The following SLC35F1 variants were observed in gnomAD, a reference collection of about 807,000 sequenced individuals.
SLC35F1 encodes the protein chromosome 6 open reading frame 169.
In SLC35F1, 14 loss-of-function variants were observed where a neutral mutation model predicts 48.7. That is an observed-to-expected ratio of 0.29 (90% confidence interval 0.19 to 0.45). The LOEUF (loss-of-function observed/expected upper bound fraction) is 0.45, where lower values mean the gene tolerates loss of function less well. Ranked by LOEUF, SLC35F1 falls within the 20% of genes least tolerant of loss-of-function variation. The pLI, the probability that SLC35F1 is intolerant of heterozygous loss-of-function variation, is 1.00. For missense variants in SLC35F1, 404 were observed against 500.0 expected, an observed-to-expected ratio of 0.81 and a Z score of 1.83; for synonymous variants, 190 against 202.2, an observed-to-expected ratio of 0.94 and a Z score of 0.51.
chr6:118,027,061 G>A (rs1403988487), intron 1 of SLC35F1, among the ~76,000 whole-genome samples: 2 of 152,152 alleles, frequency 1.3e-5, no homozygotes, highest in South Asian at 2.1e-4. Flanking sequence ...GATAAACTAT[G>A]TAGCCATTTG....
intron 1 of SLC35F1, among the ~76,000 whole-genome samples, chr6:117,994,318 G>A (rs1776957936): frequency 6.6e-6 from 1 of 152,060 alleles, no homozygotes; most frequent in Admixed American, 6.6e-5. Context: ...TCTCTTAAGA[G>A]CTCCTGTGAT....
intron 1 of SLC35F1, among the ~76,000 whole-genome samples, chr6:118,070,388 A>G (rs945233756): frequency 8.5e-5 from 13 of 152,276 alleles, no homozygotes; most frequent in African/African-American, 3.1e-4. Flanking sequence ...GAGCACATAA[A>G]TCTTCTGTCA....
At chr6:118,026,732 G>C (rs763063675) in intron 1 of SLC35F1, among the ~76,000 whole-genome samples, 2 of 152,184 alleles carry the variant, frequency 1.3e-5, no homozygotes, top group African/African-American at 2.4e-5. Context: ...AAAAGTTAAT[G>C]AGTTTGGGAT....
intron 1 of SLC35F1, among the ~76,000 whole-genome samples, chr6:117,961,873 C>T (rs759259826): frequency 2.0e-5 from 3 of 152,112 alleles, no homozygotes; most frequent in African/African-American, 7.2e-5. Flanking sequence ...GCTTGTGATA[C>T]CTAGTCTTAC....
At chr6:118,289,019 C>T (rs1743258) in intron 7 of SLC35F1, among the ~76,000 whole-genome samples, 14,377 of 152,188 alleles carry the variant, frequency 0.094, 698 homozygotes, top group Middle Eastern at 0.14. Context: ...CACCCACCCC[C>T]AGCTCCTCAA....
intron 1 of SLC35F1, among the ~76,000 whole-genome samples, chr6:118,086,363 T>G (rs1466188414): frequency 1.3e-5 from 2 of 152,252 alleles, no homozygotes; most frequent in Non-Finnish European, 2.9e-5. Flanking sequence ...TCAGCAGTTC[T>G]GCTGCTCATT....
At chr6:118,122,367 C>T (rs1773563750) in intron 1 of SLC35F1, among the ~76,000 whole-genome samples, 1 of 152,060 alleles carries the variant, frequency 6.6e-6, no homozygotes, top group Admixed American at 6.6e-5. Flanking sequence ...TGGCTGAGTG[C>T]CCTGTGCTTG....
At chr6:118,075,148 G>A (rs1772799141) in intron 1 of SLC35F1, among the ~76,000 whole-genome samples, 2 of 152,142 alleles carry the variant, frequency 1.3e-5, no homozygotes, top group Non-Finnish European at 2.9e-5. Flanking sequence ...AGAAGAATTT[G>A]GATAGTTAAT....
At chr6:117,934,332 T>A (rs900706736) in intron 1 of SLC35F1, among the ~76,000 whole-genome samples, 6 of 152,152 alleles carry the variant, frequency 3.9e-5, no homozygotes, top group African/African-American at 1.2e-4. Context: ...AACAGGCTAA[T>A]GGAAGGTGTT....
intron 7 of SLC35F1, among the ~76,000 whole-genome samples, chr6:118,291,358 G>A (rs1776121082): frequency 6.6e-6 from 1 of 151,346 alleles, no homozygotes; most frequent in African/African-American, 2.4e-5. Context: ...AGTCTATTTT[G>A]GGGAAAAAGT....
At position 118,315,415 on chromosome 6, in the gene SLC35F1, A is replaced by T. The variant is rs1237534080; in HGVS notation, c.*1163A>T. The T allele has an allele frequency of 1.3e-5, 2 of 148,750 alleles. No individual in the cohort carries two copies. The highest frequency in any genetic ancestry group is 3.0e-5 in the Non-Finnish European group (2 of 67,422). 9.2% of individuals were successfully genotyped at this position (148,750 alleles called of 1,614,324 possible). On this transcript the variant is annotated 3_prime_UTR_variant, in exon 8 of 8. Coordinates refer to ENST00000360388, the MANE Select transcript of SLC35F1 (RefSeq NM_001029858.4). Reference sequence around the variant, plus strand: ...ATATTTGGCATCCATTCAATAACAGATATATTGACACGACATTCTTTTTTT... The same window carrying T: ...ATATTTGGCATCCATTCAATAACAGTTATATTGACACGACATTCTTTTTTT...
intron 3 of SLC35F1, among the ~76,000 whole-genome samples, chr6:118,253,615 G>A (rs1362083449): frequency 6.6e-6 from 1 of 151,934 alleles, no homozygotes; most frequent in African/African-American, 2.4e-5. Flanking sequence ...GGGACCAAAA[G>A]AACAAGATGC....
intron 1 of SLC35F1, among the ~76,000 whole-genome samples, chr6:118,056,036 G>A (rs1305374058): frequency 1.3e-5 from 2 of 152,136 alleles, no homozygotes; most frequent in East Asian, 3.9e-4. Flanking sequence ...TTGGGTAATA[G>A]GTCTATCAAC....
At chr6:117,990,047 T>G (rs1776896396) in intron 1 of SLC35F1, among the ~76,000 whole-genome samples, 1 of 152,134 alleles carries the variant, frequency 6.6e-6, no homozygotes, top group African/African-American at 2.4e-5. Flanking sequence ...TCTTTCTGCT[T>G]GAATATCTGA....
intron 2 of SLC35F1, among the ~76,000 whole-genome samples, chr6:118,194,292 A>G (rs1774771587): frequency 6.6e-6 from 1 of 152,284 alleles, no homozygotes; most frequent in East Asian, 1.9e-4. Flanking sequence ...GAAGTTGTTC[A>G]TGGAGGGGAA....
At chr6:118,138,163 G>T (rs1423436580) in intron 1 of SLC35F1, among the ~76,000 whole-genome samples, 1 of 151,962 alleles carries the variant, frequency 6.6e-6, no homozygotes, top group Non-Finnish European at 1.5e-5. Flanking sequence ...TAAAAAATTA[G>T]CCAGGCATGG....
intron 3 of SLC35F1, among the ~76,000 whole-genome samples, chr6:118,257,600 G>T (rs184651774): frequency 9.3e-4 from 142 of 152,230 alleles, no homozygotes; most frequent in African/African-American, 3.3e-3. Context: ...AATGAATCAA[G>T]CTATTATTTT....
At chr6:117,994,675 G>A (rs1241075233) in intron 1 of SLC35F1, among the ~76,000 whole-genome samples, 2 of 152,174 alleles carry the variant, frequency 1.3e-5, no homozygotes, top group African/African-American at 4.8e-5. Flanking sequence ...TGTCTCCAAA[G>A]GTACTATGCT....
intron 1 of SLC35F1, among the ~76,000 whole-genome samples, chr6:117,926,089 T>TGA (rs1776023812): frequency 6.6e-6 from 1 of 152,124 alleles, no homozygotes; most frequent in Non-Finnish European, 1.5e-5. Context: ...GTGATATGGT[T>TGA]TGGCTCTGTG....
Sources: gnomAD v4.1 joint callset for allele counts (sites outside exome capture counted in the v4.1 genomes callset) on GRCh38, gnomAD v4.1.1 for gene constraint, MANE v1.5 for transcripts, NCBI Gene and HGNC (gene_info 2026-07-23, HGNC 2026-07-21) for gene names.